Variants in PXDNL observed in about 807,000 individuals in gnomAD.
PXDNL encodes the protein peroxidasin like.
In PXDNL, 145 loss-of-function variants were observed where a neutral mutation model predicts 150.8. The ratio of observed to expected loss-of-function variants is 0.96; its 90% confidence interval spans 0.84 to 1.10. The LOEUF (loss-of-function observed/expected upper bound fraction) is 1.10, where lower values mean the gene tolerates loss of function less well. Ranked by LOEUF, PXDNL falls within the 50% of genes least tolerant of loss-of-function variation. PXDNL has a pLI of 0.00. For missense variants in PXDNL, 2,087 were observed against 1,873.9 expected, an observed-to-expected ratio of 1.11 and a Z score of -2.10; for synonymous variants, 757 against 725.7, an observed-to-expected ratio of 1.04 and a Z score of -0.69.
intron 2 of PXDNL, among the ~76,000 whole-genome samples, chr8:51,618,244 A>T (rs1319710536): frequency 6.6e-6 from 1 of 152,266 alleles, no homozygotes; most frequent in Non-Finnish European, 1.5e-5. Flanking sequence ...CAAACAAAGC[A>T]AAGTCTGAAA....
chr8:51,705,161 G>T (rs1336651883), intron 1 of PXDNL, among the ~76,000 whole-genome samples: 11 of 152,150 alleles, frequency 7.2e-5, no homozygotes, highest in Non-Finnish European at 1.3e-4. Flanking sequence ...AGGCATGGGG[G>T]GTCTCCACAT....
At chr8:51,787,566 T>C (rs2037471807) in intron 1 of PXDNL, among the ~76,000 whole-genome samples, 1 of 152,230 alleles carries the variant, frequency 6.6e-6, no homozygotes, top group African/African-American at 2.4e-5. Flanking sequence ...GTGGAGCCTG[T>C]GATATGACTG....
intron 1 of PXDNL, among the ~76,000 whole-genome samples, chr8:51,790,662 T>A (rs1312044172): frequency 1.3e-5 from 2 of 151,862 alleles, no homozygotes; most frequent in Non-Finnish European, 2.9e-5. Flanking sequence ...CTGTCCTCCC[T>A]GATGGGCGAG....
intron 1 of PXDNL, among the ~76,000 whole-genome samples, chr8:51,703,040 C>T (rs1816290164): frequency 6.6e-6 from 1 of 152,146 alleles, no homozygotes; most frequent in African/African-American, 2.4e-5. Context: ...CTACACTTTA[C>T]ATTCACTAAT....
chr8:51,413,242 T>C lies in PXDNL; in HGVS notation c.1812A>G (p.Gln604=), dbSNP rs1191439180. Residue 604 remains glutamine (Q), a synonymous_variant, in exon 15 of 23, where the codon CAA becomes CAG. Coordinates refer to ENST00000356297, the MANE Select transcript of PXDNL (RefSeq NM_144651.5). ...AAGATTCAACAAAGTCATCGCCAGC[T>C]TGTCTACCCTGTATAGCTTTGAAAA... ...FLTVTAIQGR[Q]AGDDFVESSI... 6.2e-7 allele frequency: 1 copy of C among 1,608,624 alleles called. No individual in the cohort carries two copies.
intron 1 of PXDNL, among the ~76,000 whole-genome samples, chr8:51,778,955 C>A (rs189694783): frequency 2.6e-5 from 4 of 152,234 alleles, no homozygotes; most frequent in African/African-American, 7.2e-5. Flanking sequence ...CTAGGAGGAA[C>A]TTTTATGTTG....
chr8:51,647,705 G>A (rs1814948495), intron 2 of PXDNL, among the ~76,000 whole-genome samples: 1 of 152,164 alleles, frequency 6.6e-6, no homozygotes, highest in South Asian at 2.1e-4. Context: ...GACTGACAAA[G>A]TTAACTGACT....
intron 19 of PXDNL, among the ~76,000 whole-genome samples, chr8:51,358,481 A>G (rs1806592640): frequency 6.6e-6 from 1 of 152,168 alleles, no homozygotes. Flanking sequence ...TGTGTAAAAA[A>G]ATGATTAAAC....
chr8:51,799,764 G>A (rs2037599775), intron 1 of PXDNL, among the ~76,000 whole-genome samples: 1 of 152,178 alleles, frequency 6.6e-6, no homozygotes, highest in African/African-American at 2.4e-5. Context: ...TAGGTATGAA[G>A]AACAAACCAT....
At chr8:51,606,544 G>A (rs1173577511) in intron 2 of PXDNL, among the ~76,000 whole-genome samples, 1 of 152,132 alleles carries the variant, frequency 6.6e-6, no homozygotes, top group African/African-American at 2.4e-5. Context: ...TAAAAGCAGA[G>A]TTTTAAAGAA....
chr8:51,540,240 C>T (rs1347423969), intron 4 of PXDNL, among the ~76,000 whole-genome samples: 1 of 152,104 alleles, frequency 6.6e-6, no homozygotes, highest in Non-Finnish European at 1.5e-5. Context: ...TAACTCTTAT[C>T]TCTATTGTTT....
At position 51,483,706 on chromosome 8, in the gene PXDNL, T is replaced by G; in HGVS notation, c.461A>C (p.His154Pro). The G allele has an allele frequency of 6.8e-7, 1 of 1,479,604 alleles. No homozygotes were observed. Among genetic ancestry groups the G allele is most frequent in the South Asian group, 1.2e-5 (1 of 80,960 alleles). 91.7% of individuals were successfully genotyped at this position (1,479,604 alleles called of 1,614,324 possible). Reference sequence around the variant, plus strand: ...TGGAATTTTAGATAATTTGTTGTTATGCAAAAATCTGAAAAAGAAAAGATA... The same window carrying G: ...TGGAATTTTAGATAATTTGTTGTTAGGCAAAAATCTGAAAAAGAAAAGATA... The part of the protein sequence containing the change: ...DLLRLERLFL[H>P]NNKLSKIPAG... Residue 154 changes from histidine (H) to proline (P), a missense_variant, in exon 6 of 23, where the codon CAT becomes CCT. Physicochemically the swap from His to Pro is moderately conservative, Grantham distance 77. Coordinates refer to ENST00000356297, the MANE Select transcript of PXDNL (RefSeq NM_144651.5).
intron 1 of PXDNL, among the ~76,000 whole-genome samples, chr8:51,691,059 C>G (rs969404674): frequency 6.6e-6 from 1 of 152,136 alleles, no homozygotes; most frequent in Non-Finnish European, 1.5e-5. Flanking sequence ...ATTGTAGATT[C>G]TGGATATTAG....
At chr8:51,520,439 G>C (rs542771745) in intron 4 of PXDNL, among the ~76,000 whole-genome samples, 26 of 152,084 alleles carry the variant, frequency 1.7e-4, no homozygotes, top group African/African-American at 6.3e-4. Context: ...GCCGCACCAG[G>C]AGGAGGGACG....
At chr8:51,745,555 C>T (rs533036535) in intron 1 of PXDNL, among the ~76,000 whole-genome samples, 158 of 152,194 alleles carry the variant, frequency 1.0e-3, no homozygotes, top group Non-Finnish European at 1.9e-3. Context: ...TTCAGGCTAC[C>T]TGATCTAAAC....
intron 4 of PXDNL, among the ~76,000 whole-genome samples, chr8:51,549,244 C>T (rs1254644388): frequency 2.0e-5 from 3 of 152,204 alleles, no homozygotes; most frequent in Admixed American, 2.0e-4. Flanking sequence ...GACTTCAGTA[C>T]TCCACTGACA....
At chr8:51,707,920 C>T (rs1816415175) in intron 1 of PXDNL, among the ~76,000 whole-genome samples, 1 of 152,080 alleles carries the variant, frequency 6.6e-6, no homozygotes, top group Non-Finnish European at 1.5e-5. Flanking sequence ...TATATACATG[C>T]ACACACGCAC....
At chr8:51,744,994 G>GA (rs1252033300) in intron 1 of PXDNL, among the ~76,000 whole-genome samples, 1 of 1,758 alleles carries the variant, frequency 5.7e-4, no homozygotes, top group Non-Finnish European at 2.7e-3. Context: ...GAAAGAAAGG[G>GA]AGGGAGGGAA....
intron 2 of PXDNL, among the ~76,000 whole-genome samples, chr8:51,602,056 C>T (rs1448051768): frequency 6.6e-6 from 1 of 151,874 alleles, no homozygotes; most frequent in Non-Finnish European, 1.5e-5. Context: ...GGCCCCCAAA[C>T]TCTCCTCACT....
Sources: gnomAD v4.1 joint callset for allele counts (sites outside exome capture counted in the v4.1 genomes callset) on GRCh38, gnomAD v4.1.1 for gene constraint, MANE v1.5 for transcripts, NCBI Gene and HGNC (gene_info 2026-07-23, HGNC 2026-07-21) for gene names.